Variants in ADAMTS9 observed in about 807,000 individuals in gnomAD.
ADAMTS9 encodes A disintegrin and metalloproteinase with thrombospondin motifs 9.
In ADAMTS9, 107 loss-of-function variants were observed where a neutral mutation model predicts 257.1. The ratio of observed to expected loss-of-function variants is 0.42; its 90% CI spans 0.36 to 0.49. The LOEUF is 0.49. Ranked by LOEUF, ADAMTS9 falls within the 20% of genes least tolerant of loss-of-function variation. The pLI is 0.03. For missense variants in ADAMTS9, 2,353 were observed against 2,469.1 expected (o/e 0.95, Z 1.00); for synonymous variants, 982 against 880.9 (o/e 1.11, Z -2.03).
At position 64,604,232 on chromosome 3, in the gene ADAMTS9, T is replaced by A. The variant is rs757514860; in HGVS notation, c.3574A>T (p.Thr1192Ser). 2 of 1,612,712 alleles carry A rather than the reference T, an allele frequency of 1.2e-6. No individual in the cohort carries two copies. Among genetic ancestry groups the A allele is most frequent in the South Asian group, 2.2e-5 (2 of 90,800 alleles). ...PRTQWRFGSWTPCSATCGKGT... is the reference protein window; with the variant it reads ...PRTQWRFGSWSPCSATCGKGT... ...TCTCCCAGTCTATTTCTTACTGGGGTCCAAGACCCAAATCGCCACTGGGTT... is the reference window on the plus strand; with the variant it reads ...TCTCCCAGTCTATTTCTTACTGGGGACCAAGACCCAAATCGCCACTGGGTT... The change falls in exon 24 of 40, where the codon ACC becomes TCC. Residue 1192 changes from threonine (T) to serine (S), a missense_variant. By Grantham distance (58) the Thr-to-Ser change is moderately conservative. Coordinates refer to ENST00000498707, the MANE Select transcript of ADAMTS9 (RefSeq NM_182920.2).
rs890707659 is a variant in ADAMTS9 at position 64,539,293 on chromosome 3, G to C, written c.5523C>G (p.Thr1841=). ...TTGTCCTTGCAAACTGTAAGTCAGT[G>C]GCTGTGGGGTGGAGAAGGGGTTAAA... ...RIDLTSMQII[T]TDLQFARTSE... is the part of the protein sequence containing the mutation. The change falls in exon 37 of 40, where the codon ACC becomes ACG. Residue 1841 remains threonine (T), a splice_region_variant and synonymous_variant. Transcript: ENST00000498707. 1.9e-6 allele frequency: 3 copies of C among 1,613,726 alleles called. No homozygotes were observed. Among genetic ancestry groups the C allele is most frequent in the Non-Finnish European group, 2.5e-6 (3 of 1,179,802 alleles).
intron 32 of ADAMTS9, 32 bp downstream of exon 32, chr3:64,546,726 T>C: frequency 6.4e-7 from 1 of 1,554,542 alleles, no homozygotes; most frequent in South Asian, 1.2e-5. Flanking sequence ...ATCCAAGGGC[T>C]TTCAGATTTG....
intron 38 of ADAMTS9, chr3:64,522,639 C>G: frequency 6.1e-6 from 1 of 162,822 alleles, no homozygotes; most frequent in Non-Finnish European, 1.3e-5. Context: ...TAGCTGCTTT[C>G]ATGCTGCAAA....
intron 11 of ADAMTS9, among the ~76,000 whole-genome samples, chr3:64,646,079 T>C (rs1353729206): frequency 6.6e-6 from 1 of 152,232 alleles, no homozygotes; most frequent in African/African-American, 2.4e-5. Context: ...TTCGTTGTTG[T>C]GTTTCTTTTG....
At chr3:64,587,853 A>G (rs983344911) in intron 28 of ADAMTS9, 2 of 152,166 alleles carry the variant, frequency 1.3e-5, no homozygotes, top group African/African-American at 2.4e-5. Context: ...AGATCCGCAC[A>G]TTCCACATCT....
intron 13 of ADAMTS9, 38 bp from the exon 14 acceptor site, chr3:64,633,646 T>G: frequency 6.2e-7 from 1 of 1,613,962 alleles, no homozygotes; most frequent in Non-Finnish European, 8.5e-7. Flanking sequence ...CTTTTGTGCC[T>G]GGCCTCAGTG....
rs143448269 is a variant in ADAMTS9, at chr3:64,561,904, C to A, written c.4525-153G>T. 1.2e-3 allele frequency: 806 copies of A among 666,752 alleles called. 3 individuals carry two copies. In the African/African-American group the frequency reaches 0.013, roughly 11 times the overall value. The allele number at this position is 666,752 out of a possible 1,614,324, so 41.3% of individuals were successfully genotyped here. ...TTTCTAATTTGCAATGAAAGGGATCCTAGATCATGTCTTAAACCTGGAAAC... is the reference window on the plus strand; with the variant it reads ...TTTCTAATTTGCAATGAAAGGGATCATAGATCATGTCTTAAACCTGGAAAC... On this transcript the variant is annotated intron_variant, in intron 29 of 39. Coordinates refer to ENST00000498707, the MANE Select transcript of ADAMTS9 (RefSeq NM_182920.2).
intron 28 of ADAMTS9, among the ~76,000 whole-genome samples, chr3:64,581,925 T>C (rs1295132793): frequency 6.6e-6 from 1 of 152,226 alleles, no homozygotes; most frequent in Non-Finnish European, 1.5e-5. Context: ...TTATTTTCTT[T>C]GCCTTTCCTC....
chr3:64,533,227 G>A lies in ADAMTS9; in HGVS notation c.5657C>T (p.Thr1886Ile), dbSNP rs757555672. The change falls in exon 38 of 40, where the codon ACT becomes ATT. Residue 1886 changes from threonine to isoleucine, a missense_variant. By Grantham distance (89) the Thr-to-Ile change is moderately conservative. Coordinates refer to ENST00000498707, the MANE Select transcript of ADAMTS9 (RefSeq NM_182920.2). Reference sequence around the variant, plus strand: ...TTGTGATATCCATCTGGCAGATTCAGTTAAAGACAAGCCGGTTCCATAAAG... The same window carrying A: ...TTGTGATATCCATCTGGCAGATTCAATTAAAGACAAGCCGGTTCCATAAAG... ...INLYGTGLSL[T>I]ESARWISQGN... is the part of the protein sequence containing the mutation. The A allele has an allele frequency of 1.6e-5, 25 of 1,602,480 alleles. No homozygotes were observed. The highest frequency in any genetic ancestry group is 1.9e-5 in the Non-Finnish European group (22 of 1,173,824).
intron 16 of ADAMTS9, among the ~76,000 whole-genome samples, chr3:64,629,840 AT>A (rs1700324513): frequency 6.6e-6 from 1 of 152,230 alleles, no homozygotes. Flanking sequence ...GGAGTCATGT[AT>A]AAATATCATA....
chr3:64,577,319 T>C (rs1243006770), intron 28 of ADAMTS9, among the ~76,000 whole-genome samples: 1 of 152,118 alleles, frequency 6.6e-6, no homozygotes, highest in Non-Finnish European at 1.5e-5. Flanking sequence ...CCCAAACACA[T>C]TGCCTGTTTT....
At chr3:64,603,834 T>A in intron 25 of ADAMTS9, 88 bp downstream of exon 25, 1 of 1,412,040 alleles carries the variant, frequency 7.1e-7, no homozygotes, top group East Asian at 2.3e-5. Flanking sequence ...CCCATTGACA[T>A]TTCCAAGTGG....
rs143379569 is a variant in ADAMTS9, at chr3:64,654,752, A to G, written c.1170-140T>C. 78 of 875,028 alleles carry G rather than the reference A, an allele frequency of 8.9e-5. No individual in the cohort carries two copies. The African/African-American group carries it at 1.2e-3, about 14-fold the overall frequency. 54.2% of individuals were successfully genotyped at this position (875,028 alleles called of 1,614,324 possible). ...AAAAAAAGCAAATTCATAAGACCAG[A>G]GTTTCAAAACTCAAAAAATTTTTGG... On this transcript the variant is annotated intron_variant, in intron 6 of 39. Transcript: ENST00000498707.
chr3:64,566,864 A>G (rs2083558161), intron 29 of ADAMTS9, among the ~76,000 whole-genome samples: 1 of 151,958 alleles, frequency 6.6e-6, no homozygotes, highest in African/African-American at 2.4e-5. Context: ...ATAGCTCCAA[A>G]AAAAAAAAGG....
chr3:64,520,035 A>C (rs764823379), intron 39 of ADAMTS9, among the ~76,000 whole-genome samples: 13 of 152,152 alleles, frequency 8.5e-5, no homozygotes, highest in Non-Finnish European at 1.3e-4. Context: ...GATTCTATAC[A>C]AAGAAAACCC....
chr3:64,522,250 C>T lies in ADAMTS9; in HGVS notation c.5729G>A (p.Arg1910Gln), dbSNP rs149935016. Residue 1910 changes from arginine (R) to glutamine (Q), a missense_variant, in exon 39 of 40, where the codon CGA becomes CAA. Physicochemically the swap from Arg to Gln is conservative, Grantham distance 43. Transcript: ENST00000498707. ...SDIKKSPDGT[R>Q]VVGKCGGYCG... is the part of the protein sequence containing the mutation. Reference sequence around the variant, plus strand: ...GTAACCACCGCATTTCCCTACGACTCGGGTACCATCCTGCAAGGAGATGCA... The same window carrying T: ...GTAACCACCGCATTTCCCTACGACTTGGGTACCATCCTGCAAGGAGATGCA... 93 of 1,613,998 alleles carry T rather than the reference C, an allele frequency of 5.8e-5. No individual in the cohort carries two copies. The African/African-American group carries it at 8.0e-4, about 14-fold the overall frequency.
intron 28 of ADAMTS9, among the ~76,000 whole-genome samples, chr3:64,577,088 C>T (rs2083871723): frequency 6.6e-6 from 1 of 152,148 alleles, no homozygotes; most frequent in Non-Finnish European, 1.5e-5. Context: ...CTATGAAACC[C>T]AAATTAGGGC....
intron 12 of ADAMTS9, among the ~76,000 whole-genome samples, chr3:64,641,268 TTTTTTG>T (rs1700631457): frequency 6.6e-6 from 1 of 151,970 alleles, no homozygotes; most frequent in African/African-American, 2.4e-5. Flanking sequence ...TGCCTGCTTT[TTTTTTG>T]TTTTGTTTTG....
Position 64,602,157 on chromosome 3 carries a change from G to A in ADAMTS9, c.3804C>T (p.Tyr1268=), listed in dbSNP as rs749317709. The A allele has an allele frequency of 6.2e-7, 1 of 1,614,118 alleles. No individual in the cohort carries two copies. Among genetic ancestry groups the A allele is most frequent in the Non-Finnish European group, 8.5e-7 (1 of 1,179,994 alleles). ...RATRQVMCVN[Y]SDHVIDRSEC... ...CACTCCGATCGATCACGTGGTCACT[G>A]TAGTTGACACACATCACTTGCCGGG... The change falls in exon 26 of 40, where the codon TAC becomes TAT. Residue 1268 remains tyrosine (Y), a synonymous_variant. Transcript: ENST00000498707.
Sources: gnomAD v4.1 joint callset for allele counts (sites outside exome capture counted in the v4.1 genomes callset) on GRCh38, gnomAD v4.1.1 for gene constraint, MANE v1.5 for transcripts, NCBI Gene and HGNC (gene_info 2026-07-23, HGNC 2026-07-21) for gene names.